Variants in EHMT1 observed in about 807,000 individuals in gnomAD.
EHMT1 encodes euchromatic histone lysine methyltransferase 1, also known as histone-lysine N-methyltransferase EHMT1.
Under a neutral mutation model 147.2 loss-of-function variants are expected in EHMT1, and 15 were observed. That is an observed-to-expected ratio of 0.10 (90% CI 0.07 to 0.16). EHMT1 has a LOEUF of 0.16. Among genes scored for constraint, EHMT1 ranks in the 10% least tolerant of loss-of-function variants. The pLI is 1.00. For missense variants in EHMT1, 1,587 were observed against 1,772.4 expected, an observed-to-expected ratio of 0.90 and a Z score of 1.88; for synonymous variants, 795 against 709.6, an observed-to-expected ratio of 1.12 and a Z score of -1.91.
intron 10 of EHMT1, 133 bp from the exon 11 acceptor site, chr9:137,774,976 C>T: frequency 1.5e-6 from 2 of 1,312,884 alleles, no homozygotes; most frequent in South Asian, 1.2e-5. Flanking sequence ...CCAAGCTGGC[C>T]TTGCAGGGCT....
At chr9:137,718,760 CTTT>C in intron 3 of EHMT1, among the ~76,000 whole-genome samples, 1 of 136,296 alleles carries the variant, frequency 7.3e-6, no homozygotes. Flanking sequence ...TTTTCTTTTT[CTTT>C]TTTTTTTTTT....
chr9:137,765,617 G>A (rs1160377087), intron 10 of EHMT1, among the ~76,000 whole-genome samples: 3 of 151,946 alleles, frequency 2.0e-5, no homozygotes, highest in Non-Finnish European at 2.9e-5. Context: ...CGCCAAGGTG[G>A]AGAAGCGGAG....
intron 10 of EHMT1, chr9:137,763,852 A>T (rs1950029203): frequency 6.6e-6 from 1 of 152,392 alleles, no homozygotes; most frequent in Non-Finnish European, 1.5e-5. Context: ...GAAGGCAGGA[A>T]TGGGAGCCTT....
At chr9:137,830,208 G>A (rs1956095487) in intron 25 of EHMT1, among the ~76,000 whole-genome samples, 1 of 152,106 alleles carries the variant, frequency 6.6e-6, no homozygotes, top group African/African-American at 2.4e-5. Context: ...ATGCAGGCGA[G>A]CCCGTCTCCT....
intron 1 of EHMT1, 115 bp downstream of exon 1, chr9:137,619,164 C>G (rs913419964): frequency 1.6e-5 from 3 of 182,952 alleles, no homozygotes; most frequent in African/African-American, 5.0e-5. Flanking sequence ...GGGCGGGGCC[C>G]CGGGTCCCCC....
At chr9:137,707,354 G>A (rs1944356073) in intron 1 of EHMT1, among the ~76,000 whole-genome samples, 1 of 152,224 alleles carries the variant, frequency 6.6e-6, no homozygotes, top group Non-Finnish European at 1.5e-5. Context: ...AGAGGCCACG[G>A]TTCTGGAGGA....
At chr9:137,809,966 C>T (rs55679272) in intron 18 of EHMT1, among the ~76,000 whole-genome samples, 3 of 112,328 alleles carry the variant, frequency 2.7e-5, no homozygotes, top group African/African-American at 1.2e-4. Context: ...CTGTGTGGAC[C>T]GTCGGTGATG....
Position 137,776,526 on chromosome 9 carries a change from T to A in EHMT1, c.1792-92T>A. 3.1e-6 allele frequency: 4 copies of A among 1,308,266 alleles called. No individual in the cohort carries two copies. Among genetic ancestry groups the A allele is most frequent in the Non-Finnish European group, 4.3e-6 (4 of 925,736 alleles). 81.0% of individuals were successfully genotyped at this position (1,308,266 alleles called of 1,614,324 possible). ...ATGGCTCACTCTGCAGACCGCCCGATGTGGGATGCGGTGCCAGTTTAGTAG... is the reference window on the plus strand; with the variant it reads ...ATGGCTCACTCTGCAGACCGCCCGAAGTGGGATGCGGTGCCAGTTTAGTAG... On this transcript the variant is annotated intron_variant, in intron 11 of 26. Coordinates refer to ENST00000460843, the MANE Select transcript of EHMT1 (RefSeq NM_024757.5). This position sits in a 1 kb window ranked among gnomAD's most constrained non-coding sequence, Gnocchi z 4.4.
In EHMT1 at chr9:137,644,741, A is replaced by T. The variant is rs1369252180; in HGVS notation, c.21+25692A>T. Among the ~76,000 whole-genome samples, 4 of 152,292 alleles carry T rather than the reference A, an allele frequency of 2.6e-5. No individual in the cohort carries two copies. The East Asian group carries it at 7.7e-4, about 29-fold the overall frequency. ...TGTAGTTTGCTGGCCCCTGATTGAGATCTAGTCATTGTTTCCAAAGCACCT... is the reference window on the plus strand; with the variant it reads ...TGTAGTTTGCTGGCCCCTGATTGAGTTCTAGTCATTGTTTCCAAAGCACCT... On this transcript the variant is annotated intron_variant, in intron 1 of 26. Coordinates refer to ENST00000460843, the MANE Select transcript of EHMT1 (RefSeq NM_024757.5).
chr9:137,820,598 T>A (rs1955334089), intron 25 of EHMT1, among the ~76,000 whole-genome samples: 1 of 152,234 alleles, frequency 6.6e-6, no homozygotes, highest in Non-Finnish European at 1.5e-5. Flanking sequence ...GAAACGGTCA[T>A]GTTTGCTTTC....
At chr9:137,667,178 G>A (rs11137172) in intron 1 of EHMT1, 27,131 of 152,210 alleles carry the variant, frequency 0.18, 2,680 homozygotes, top group Admixed American at 0.31. Flanking sequence ...CTGTGCACTG[G>A]AAATTGGCAC....
intron 1 of EHMT1, among the ~76,000 whole-genome samples, chr9:137,637,261 C>T (rs1034253204): frequency 1.3e-5 from 2 of 149,592 alleles, no homozygotes; most frequent in Non-Finnish European, 3.0e-5. Flanking sequence ...CCACAGCCTC[C>T]GCCTCCTGGG....
intron 1 of EHMT1, among the ~76,000 whole-genome samples, chr9:137,634,549 T>C (rs1314690721): frequency 6.6e-6 from 1 of 152,210 alleles, no homozygotes. Context: ...AGTTTTGTAA[T>C]GAGGAAATGT....
chr9:137,658,679 G>A (rs920140573), intron 1 of EHMT1, among the ~76,000 whole-genome samples: 4 of 151,316 alleles, frequency 2.6e-5, no homozygotes, highest in Non-Finnish European at 5.9e-5. Flanking sequence ...GTGGTGCGAC[G>A]TTGGCTCACT....
chr9:137,684,018 T>TTTTG (rs1554835232), intron 1 of EHMT1, among the ~76,000 whole-genome samples: 1 of 151,328 alleles, frequency 6.6e-6, no homozygotes, highest in African/African-American at 2.5e-5. Context: ...ATTAACTGTT[T>TTTTG]TTTGTTTGTT....
intron 10 of EHMT1, among the ~76,000 whole-genome samples, chr9:137,770,586 C>T (rs916138173): frequency 3.3e-5 from 5 of 152,160 alleles, no homozygotes; most frequent in African/African-American, 7.2e-5. Context: ...AGCAGTATCC[C>T]GTTGGACACC....
Position 137,782,468 on chromosome 9 carries a change from C to A in EHMT1, c.2382+71C>A. The A allele has an allele frequency of 7.1e-7, 1 of 1,409,944 alleles. No individual in the cohort carries two copies. Among genetic ancestry groups the A allele is most frequent in the Non-Finnish European group, 9.7e-7 (1 of 1,033,106 alleles). The allele number at this position is 1,409,944 out of a possible 1,614,324, so 87.3% of individuals were successfully genotyped here. On this transcript the variant is annotated intron_variant, in intron 15 of 26. Transcript: ENST00000460843. The surrounding 1 kb of genome is among the most constrained non-coding windows in gnomAD (Gnocchi z 5.7). The stretch of plus-strand genomic sequence containing the variant: ...TTATTTTTACCAAAGTAAAATCATA[C>A]CACGTTCGCGGTTCTTCCAGTGTAA...
chr9:137,833,959 T>A, intron 25 of EHMT1: 1 of 285,732 alleles, frequency 3.5e-6, no homozygotes, highest in Non-Finnish European at 6.7e-6. Context: ...CCCCTGCCAC[T>A]GCCTCACGGG....
Position 137,714,526 on chromosome 9 carries a change from G to C in EHMT1, c.86-2100G>C, listed in dbSNP as rs571612667. 6.9e-4 allele frequency among the ~76,000 whole-genome samples: 104 copies of C among 150,526 alleles called. 1 individual carries two copies. Among genetic ancestry groups the C allele is most frequent in the South Asian group, 2.1e-3 (10 of 4,704 alleles). On this transcript the variant is annotated intron_variant, in intron 2 of 26. Coordinates refer to ENST00000460843, the MANE Select transcript of EHMT1 (RefSeq NM_024757.5). ...CCTCACCAATTTTGTTTTGTTGTTG[G>C]GGGGTGCGGAGCTGGATTCAGTTTG...
Sources: allele counts gnomAD v4.1 joint callset (sites outside exome capture counted in the v4.1 genomes callset), GRCh38; gene constraint gnomAD v4.1.1; non-coding constraint Gnocchi (gnomAD v3.1); transcripts MANE v1.5; gene names NCBI Gene and HGNC (gene_info 2026-07-23, HGNC 2026-07-21).